The following CSMD1 variants were observed in gnomAD, a reference collection of about 807,000 sequenced individuals.
CSMD1 encodes the protein CUB and sushi domain-containing protein 1.
CSMD1 carries 213 observed loss-of-function variants against 417.5 expected under a neutral mutation model. The ratio of observed to expected loss-of-function variants is 0.51; its 90% CI spans 0.46 to 0.57. The LOEUF is 0.57. Ranked by LOEUF, CSMD1 falls within the 20% of genes least tolerant of loss-of-function variation. The probability of loss-of-function intolerance (pLI) is 0.00; values close to 1 mark genes in which losing one functional copy is unlikely to be tolerated. For missense variants in CSMD1, 6,923 were observed against 4,529.7 expected (o/e 1.53, Z -15.17); for synonymous variants, 2,862 against 1,736.8 (o/e 1.65, Z -16.11).
intron 5 of CSMD1, among the ~76,000 whole-genome samples, chr8:3,971,696 G>A (rs1331480107): frequency 6.6e-6 from 1 of 152,120 alleles, no homozygotes; most frequent in Non-Finnish European, 1.5e-5. Flanking sequence ...AAGGATGCAA[G>A]GATACGAGCC....
intron 26 of CSMD1, among the ~76,000 whole-genome samples, chr8:3,252,995 G>A (rs557067094): frequency 6.6e-6 from 1 of 151,948 alleles, no homozygotes; most frequent in African/African-American, 2.4e-5. Flanking sequence ...CAATTTTGTT[G>A]ATCTTTTCAA....
chr8:4,241,687 A>G lies in CSMD1; in HGVS notation c.415+178266T>C, dbSNP rs549933080. On this transcript the variant is annotated intron_variant, in intron 3 of 69. Coordinates refer to ENST00000635120, the MANE Select transcript of CSMD1 (RefSeq NM_033225.6). ...TTCTTCCATCCAGATAAGAAATGGG[A>G]TTTGGAGTGATTTTTTTTTTCTTTT... Among the ~76,000 whole-genome samples, 7 of 146,788 alleles carry G rather than the reference A, an allele frequency of 4.8e-5. No homozygotes were observed. The South Asian group carries it at 1.3e-3, about 27-fold the overall frequency.
rs78499791 is a variant in CSMD1 at position 4,954,472 on chromosome 8, C to A, written c.85+39860G>T. 8.5e-5 allele frequency among the ~76,000 whole-genome samples: 13 copies of A among 152,260 alleles called. No homozygotes were observed. The East Asian group carries it at 1.5e-3, about 18-fold the overall frequency. The stretch of plus-strand genomic sequence containing the variant: ...CACCATTTATTGATTTGAATGATGA[C>A]TGAAATTGATCACGTGGCACAACAG... On this transcript the variant is annotated intron_variant, in intron 1 of 69. Coordinates refer to ENST00000635120, the MANE Select transcript of CSMD1 (RefSeq NM_033225.6).
At chr8:4,741,206 C>G (rs1478265) in intron 1 of CSMD1, among the ~76,000 whole-genome samples, 58,799 of 151,914 alleles carry the variant, frequency 0.39, 11,646 homozygotes, top group Admixed American at 0.48. Flanking sequence ...ACAGAAGACC[C>G]TAGTGCCACA....
chr8:4,926,675 G>A (rs866038153), intron 1 of CSMD1, among the ~76,000 whole-genome samples: 1 of 151,976 alleles, frequency 6.6e-6, no homozygotes, highest in African/African-American at 2.4e-5. Flanking sequence ...TATTCTTCTG[G>A]GCTTTTCTTT....
chr8:3,794,592 A>AT (rs1204700253), intron 5 of CSMD1, among the ~76,000 whole-genome samples: 3 of 147,450 alleles, frequency 2.0e-5, no homozygotes, highest in East Asian at 2.0e-4. Flanking sequence ...TTATTTTTCC[A>AT]TTTTTTTCTC....
At chr8:4,338,199 G>A (rs560343621) in intron 3 of CSMD1, among the ~76,000 whole-genome samples, 1 of 152,112 alleles carries the variant, frequency 6.6e-6, no homozygotes, top group Non-Finnish European at 1.5e-5. Context: ...AGTTAGATTA[G>A]AGATGCATGT....
At chr8:4,136,198 G>C (rs1011743446) in intron 3 of CSMD1, among the ~76,000 whole-genome samples, 5 of 152,142 alleles carry the variant, frequency 3.3e-5, no homozygotes, top group African/African-American at 1.2e-4. Flanking sequence ...ACAGCTATGT[G>C]AACACAAAAA....
At chr8:4,399,046 G>C (rs1346755873) in intron 3 of CSMD1, among the ~76,000 whole-genome samples, 1 of 152,148 alleles carries the variant, frequency 6.6e-6, no homozygotes, top group Non-Finnish European at 1.5e-5. Context: ...CAAGTGTTCT[G>C]TAAGAATCTC....
chr8:3,328,294 G>A (rs539034811), intron 23 of CSMD1, among the ~76,000 whole-genome samples: 32 of 152,198 alleles, frequency 2.1e-4, no homozygotes, highest in Middle Eastern at 3.4e-3. Context: ...CCACATTGGC[G>A]CTTCTCACTG....
intron 1 of CSMD1, among the ~76,000 whole-genome samples, chr8:4,969,252 T>C (rs11988336): frequency 6.6e-6 from 1 of 151,760 alleles, no homozygotes; most frequent in African/African-American, 2.4e-5. Flanking sequence ...TAAGTTAATG[T>C]TCTATAAGAA....
chr8:4,076,689 G>A (rs1480817338), intron 3 of CSMD1, among the ~76,000 whole-genome samples: 1 of 152,068 alleles, frequency 6.6e-6, no homozygotes, highest in African/African-American at 2.4e-5. Flanking sequence ...AAAACATTTA[G>A]CCATATCTTG....
At chr8:3,694,413 C>T (rs539645302) in intron 7 of CSMD1, among the ~76,000 whole-genome samples, 1 of 152,104 alleles carries the variant, frequency 6.6e-6, no homozygotes, top group African/African-American at 2.4e-5. Context: ...CTGCTGCACA[C>T]CAGGGAGTAA....
rs550207632 is a variant in CSMD1 at position 3,074,236 on chromosome 8, T to C, written c.7474+12861A>G. Among the ~76,000 whole-genome samples, 6 of 152,300 alleles carry C rather than the reference T, an allele frequency of 3.9e-5. 1 individual carries two copies. Among genetic ancestry groups the C allele is most frequent in the African/African-American group, 9.6e-5 (4 of 41,558 alleles). ...ACAGCTACAAAGGCTCTCCCTCACA[T>C]CCAGTCTTTCTCAGGCCTTCAATCT... On this transcript the variant is annotated intron_variant, in intron 49 of 69. Transcript: ENST00000635120.
chr8:3,947,345 A>G (rs1043119804), intron 5 of CSMD1, among the ~76,000 whole-genome samples: 1 of 152,222 alleles, frequency 6.6e-6, no homozygotes, highest in Non-Finnish European at 1.5e-5. Flanking sequence ...ATTTTCAAGA[A>G]TGTTAAACCA....
chr8:4,183,579 T>G (rs937588264), intron 3 of CSMD1, among the ~76,000 whole-genome samples: 4 of 152,230 alleles, frequency 2.6e-5, no homozygotes, highest in African/African-American at 4.8e-5. Flanking sequence ...AATTTGAACT[T>G]AAGTAAAAAT....
intron 3 of CSMD1, among the ~76,000 whole-genome samples, chr8:4,037,350 G>C (rs1563347962): frequency 6.6e-6 from 1 of 152,140 alleles, no homozygotes; most frequent in African/African-American, 2.4e-5. Context: ...CACTTGAAGT[G>C]AGCACTTGCT....
intron 5 of CSMD1, among the ~76,000 whole-genome samples, chr8:3,891,356 G>A (rs1003075101): frequency 1.3e-5 from 2 of 152,072 alleles, no homozygotes; most frequent in Admixed American, 1.3e-4. Flanking sequence ...ATCCTGAGCA[G>A]GTTCTTGAAA....
chr8:3,919,278 G>A (rs748908048), intron 5 of CSMD1, among the ~76,000 whole-genome samples: 4 of 151,786 alleles, frequency 2.6e-5, no homozygotes, highest in Non-Finnish European at 5.9e-5. Context: ...GAGTTTTGCG[G>A]GTTTGGGTAT....
Sources: gnomAD v4.1 joint callset for allele counts (sites outside exome capture counted in the v4.1 genomes callset) on GRCh38, gnomAD v4.1.1 for gene constraint, MANE v1.5 for transcripts, NCBI Gene and HGNC (gene_info 2026-07-23, HGNC 2026-07-21) for gene names.